The following PTPRN2 variants were observed in gnomAD, a reference collection of about 807,000 sequenced individuals.
PTPRN2 encodes the protein protein tyrosine phosphatase receptor type N2, also known as receptor-type tyrosine-protein phosphatase N2.
In PTPRN2, 74 loss-of-function variants were observed where a neutral mutation model predicts 118.8. That is an observed-to-expected ratio of 0.62 (90% CI 0.52 to 0.76). The LOEUF (loss-of-function observed/expected upper bound fraction) is 0.76, where lower values mean the gene tolerates loss of function less well. Among genes scored for constraint, PTPRN2 ranks in the 30% least tolerant of loss-of-function variants. The probability of loss-of-function intolerance (pLI) is 0.00; values close to 1 mark genes in which losing one functional copy is unlikely to be tolerated. For synonymous variants in PTPRN2, 641 were observed against 608.0 expected (o/e 1.05, Z -0.80); for missense variants, 1,481 against 1,394.4 (o/e 1.06, Z -0.99).
Position 158,040,736 on chromosome 7 carries a change from C to CTTTTTTTTTTTT in PTPRN2, c.1723+40550_1723+40561dup, listed in dbSNP as rs58192875. 4.9e-5 allele frequency among the ~76,000 whole-genome samples: 7 copies of CTTTTTTTTTTTT among 142,204 alleles called. 2 individuals are homozygous for CTTTTTTTTTTTT. The highest frequency in any genetic ancestry group is 9.1e-5 in the Non-Finnish European group (6 of 65,914). 93.3% of individuals were successfully genotyped at this position (142,204 alleles called of 152,430 possible). On this transcript the variant is annotated intron_variant, in intron 11 of 22. Transcript: ENST00000389418. ...TTGATCTGCCTTTCTTTTTTTCTTTCTTTTTTTTTTTTTTGAGATGGAATC... is the reference window on the plus strand; with the variant it reads ...TTGATCTGCCTTTCTTTTTTTCTTTCTTTTTTTTTTTTTTTTTTTTTTTTTTGAGATGGAATC...
intron 2 of PTPRN2, among the ~76,000 whole-genome samples, chr7:158,424,566 G>A (rs1390307731): frequency 3.9e-5 from 6 of 152,208 alleles, no homozygotes; most frequent in Admixed American, 2.6e-4. Flanking sequence ...TGTGTGTACG[G>A]AACAGGCTCA....
chr7:158,389,986 T>A (rs1054334624), intron 2 of PTPRN2, among the ~76,000 whole-genome samples: 9 of 152,230 alleles, frequency 5.9e-5, no homozygotes, highest in Non-Finnish European at 1.0e-4. Flanking sequence ...CTCGGATGAC[T>A]CTGTAATGAC....
At chr7:157,644,244 G>A (rs1021867949) in intron 14 of PTPRN2, among the ~76,000 whole-genome samples, 23 of 152,340 alleles carry the variant, frequency 1.5e-4, no homozygotes, top group Non-Finnish European at 2.2e-4. Flanking sequence ...TCCCACAGAC[G>A]AAAGGTTCTG....
rs1250022607 is a variant in PTPRN2, at chr7:157,794,192, G to A, written c.1788+104481C>T. On this transcript the variant is annotated intron_variant, in intron 12 of 22. Coordinates refer to ENST00000389418, the MANE Select transcript of PTPRN2 (RefSeq NM_002847.5). This position sits in a 1 kb window ranked among gnomAD's most constrained non-coding sequence, Gnocchi z 5.2. ...CTCTCCTCGTTCTCTGCCCTGACCC[G>A]GGATCACACCTCCGACCCGGGCTCA... Among the ~76,000 whole-genome samples, 3 of 137,296 alleles carry A rather than the reference G, an allele frequency of 2.2e-5. No homozygotes were observed. Among genetic ancestry groups the A allele is most frequent in the Admixed American group, 7.1e-5 (1 of 14,052 alleles). The allele number at this position is 137,296 out of a possible 152,430, so 90.1% of individuals were successfully genotyped here. A position where few individuals can be genotyped will look rare whatever the true frequency, so the allele number is the denominator to read the frequency against.
chr7:158,519,462 A>G (rs1042463622), intron 1 of PTPRN2, among the ~76,000 whole-genome samples: 2 of 152,200 alleles, frequency 1.3e-5, no homozygotes, highest in African/African-American at 4.8e-5. Context: ...CCCGATCTGC[A>G]GGTGGCTCTC....
chr7:158,333,148 A>C (rs1172369533), intron 2 of PTPRN2, among the ~76,000 whole-genome samples: 1 of 107,224 alleles, frequency 9.3e-6, no homozygotes, highest in Non-Finnish European at 1.9e-5. Flanking sequence ...CCACAGTCTC[A>C]CCATAAGAGG....
At chr7:157,686,323 A>G (rs559425404) in intron 12 of PTPRN2, among the ~76,000 whole-genome samples, 1 of 152,242 alleles carries the variant, frequency 6.6e-6, no homozygotes, top group Non-Finnish European at 1.5e-5. Context: ...GCTGCAAGTC[A>G]GGTCTTAGGA....
At chr7:157,892,196 GC>G (rs1437131218) in intron 12 of PTPRN2, among the ~76,000 whole-genome samples, 33 of 151,598 alleles carry the variant, frequency 2.2e-4, no homozygotes, top group East Asian at 5.9e-4. Context: ...GGACCTCTCT[GC>G]TCTATCATGA....
chr7:158,030,055 T>C (rs1807574602), intron 11 of PTPRN2: 1 of 152,164 alleles, frequency 6.6e-6, no homozygotes, highest in Admixed American at 6.5e-5. Flanking sequence ...TCTAATACTA[T>C]TTTGTTAGAT....
intron 11 of PTPRN2, among the ~76,000 whole-genome samples, chr7:157,961,290 G>A (rs1259587912): frequency 6.6e-6 from 1 of 152,104 alleles, no homozygotes; most frequent in East Asian, 1.9e-4. Flanking sequence ...CCAGCACGTC[G>A]GGAGGCTGTG....
At chr7:158,031,073 G>A (rs747083693) in intron 11 of PTPRN2, 1 of 152,252 alleles carries the variant, frequency 6.6e-6, no homozygotes, top group Non-Finnish European at 1.5e-5. Context: ...CACAGATAAT[G>A]TGTTTAATTT....
At chr7:157,600,700 C>T (rs1255795832) in intron 16 of PTPRN2, among the ~76,000 whole-genome samples, 1 of 152,246 alleles carries the variant, frequency 6.6e-6, no homozygotes. Flanking sequence ...TGAGCCACTG[C>T]ACCCAGTCAG....
intron 3 of PTPRN2, among the ~76,000 whole-genome samples, chr7:158,270,429 G>A (rs904401913): frequency 6.6e-6 from 1 of 152,156 alleles, no homozygotes; most frequent in Non-Finnish European, 1.5e-5. Flanking sequence ...CAAGGTGCAA[G>A]CTGCTACCTT....
chr7:158,369,908 C>T (rs150564507), intron 2 of PTPRN2, among the ~76,000 whole-genome samples: 104 of 152,254 alleles, frequency 6.8e-4, no homozygotes, highest in Middle Eastern at 3.4e-3. Context: ...CCTGACTGGG[C>T]GGCAGACAGA....
chr7:157,888,551 C>A (rs567583515), intron 12 of PTPRN2, among the ~76,000 whole-genome samples: 1 of 151,046 alleles, frequency 6.6e-6, no homozygotes, highest in African/African-American at 2.4e-5. Flanking sequence ...CCTGCGCCCC[C>A]CCACCCCCCA....
chr7:158,517,532 C>G lies in PTPRN2; in HGVS notation c.113-27747G>C, dbSNP rs558969323. Among the ~76,000 whole-genome samples, 14 of 152,266 alleles carry G rather than the reference C, an allele frequency of 9.2e-5. No individual in the cohort carries two copies. Among genetic ancestry groups the G allele is most frequent in the Middle Eastern group, 3.4e-3 (1 of 294 alleles). On this transcript the variant is annotated intron_variant, in intron 1 of 22. Transcript: ENST00000389418. This position sits in a 1 kb window ranked among gnomAD's most constrained non-coding sequence, Gnocchi z 5.3. ...GCCTGAGCCCCGTTCCACCTCCTCA[C>G]TGGCCTCGCTGCCCCTCTGCAATCT...
intron 5 of PTPRN2, among the ~76,000 whole-genome samples, chr7:158,172,839 C>A (rs139017835): frequency 6.9e-6 from 1 of 145,882 alleles, no homozygotes; most frequent in Non-Finnish European, 1.5e-5. Context: ...AGCATCCCCA[C>A]CATCATCAAC....
chr7:158,185,636 C>T (rs1310347786), intron 5 of PTPRN2, among the ~76,000 whole-genome samples: 1 of 152,216 alleles, frequency 6.6e-6, no homozygotes, highest in Admixed American at 6.5e-5. Flanking sequence ...TTGAAGTCCA[C>T]TCTGTCTAAT....
At chr7:158,208,914 G>A (rs900386046) in intron 3 of PTPRN2, among the ~76,000 whole-genome samples, 1 of 152,078 alleles carries the variant, frequency 6.6e-6, no homozygotes, top group Non-Finnish European at 1.5e-5. Context: ...AAAGTGTAGA[G>A]TTTTTATTAG....
Sources: gnomAD v4.1 joint callset for allele counts (sites outside exome capture counted in the v4.1 genomes callset) on GRCh38, gnomAD v4.1.1 for gene constraint, Gnocchi (gnomAD v3.1) non-coding constraint, MANE v1.5 for transcripts, NCBI Gene and HGNC (gene_info 2026-07-23, HGNC 2026-07-21) for gene names.